FBXO11: variants seen among roughly 807,000 people sequenced by gnomAD.
The protein encoded by FBXO11 is F-box only protein 11.
In FBXO11, 13 loss-of-function variants were observed where a neutral mutation model predicts 117.0. The ratio of observed to expected loss-of-function variants is 0.11; its 90% CI spans 0.07 to 0.18. The LOEUF is 0.18. FBXO11 is among the 10% of genes least tolerant of loss of function. The pLI is 1.00. For synonymous variants in FBXO11, 490 were observed against 380.5 expected, an observed-to-expected ratio of 1.29 and a Z score of -3.35; for missense variants, 767 against 1,164.4, an observed-to-expected ratio of 0.66 and a Z score of 4.97.
intron 11 of FBXO11, among the ~76,000 whole-genome samples, chr2:47,826,761 CT>C (rs948473257): frequency 6.6e-6 from 1 of 152,032 alleles, no homozygotes; most frequent in African/African-American, 2.4e-5. Context: ...TCCAAATCAC[CT>C]CTTCTTTTTA....
chr2:47,902,563 A>T (rs1276398795), intron 1 of FBXO11, among the ~76,000 whole-genome samples: 1 of 152,136 alleles, frequency 6.6e-6, no homozygotes, highest in Non-Finnish European at 1.5e-5. Context: ...ACACAAATAT[A>T]CCCACATACA....
rs141586302 is a variant in FBXO11 at position 47,879,634 on chromosome 2, A to G, written c.232+25855T>C. Among the ~76,000 whole-genome samples, 21 of 152,336 alleles carry G rather than the reference A, an allele frequency of 1.4e-4. 1 individual carries two copies. The highest frequency in any genetic ancestry group is 4.8e-4 in the African/African-American group (20 of 41,580). On this transcript the variant is annotated intron_variant, in intron 1 of 22. Transcript: ENST00000403359. The stretch of plus-strand genomic sequence containing the variant: ...AAGTTTCCAAGTACTTACTGCATGT[A>G]TATCAGGAAGGCTACCCTCTGTCTA...
intron 11 of FBXO11, 48 bp from the exon 12 acceptor site, chr2:47,823,408 A>C: frequency 7.4e-7 from 1 of 1,347,426 alleles, no homozygotes; most frequent in Non-Finnish European, 1.0e-6. Flanking sequence ...ACTTTACAAA[A>C]AAAGAAATGC....
chr2:47,883,545 C>T, intron 1 of FBXO11: 1 of 370,136 alleles, frequency 2.7e-6, no homozygotes, highest in South Asian at 2.3e-5. Context: ...GGCCAAGATC[C>T]AGGATAAGGA....
chr2:47,809,856 A>G (rs1359317301), intron 19 of FBXO11, 149 bp from the exon 20 acceptor site: 2 of 568,432 alleles, frequency 3.5e-6, no homozygotes, highest in Non-Finnish European at 6.2e-6. Context: ...ACCTATTTCA[A>G]CCACCAACAG....
At chr2:47,812,788 C>T (rs552842158) in intron 18 of FBXO11, 1 of 214,464 alleles carries the variant, frequency 4.7e-6, no homozygotes, top group Non-Finnish European at 9.4e-6. Context: ...TTTATGAATA[C>T]CAAACCAGGC....
At chr2:47,814,511 T>TG (rs994583013) in intron 16 of FBXO11, among the ~76,000 whole-genome samples, 22 of 152,054 alleles carry the variant, frequency 1.4e-4, no homozygotes, top group African/African-American at 5.1e-4. Context: ...CCCGAGTAGC[T>TG]GGGACTACAG....
At chr2:47,850,000 CA>C (rs1478660773) in intron 1 of FBXO11, among the ~76,000 whole-genome samples, 3 of 152,082 alleles carry the variant, frequency 2.0e-5, no homozygotes, top group African/African-American at 7.2e-5. Flanking sequence ...CCAAACAATG[CA>C]AAAACAACTG....
chr2:47,846,642 T>A (rs186733898), intron 1 of FBXO11, among the ~76,000 whole-genome samples: 139 of 152,182 alleles, frequency 9.1e-4, no homozygotes, highest in Non-Finnish European at 1.3e-3. Context: ...ACCAGAAATG[T>A]CCACCAGAAA....
In FBXO11 at chr2:47,819,031, G is replaced by A. The variant is rs200648317; in HGVS notation, c.1845C>T (p.Asn615=). 1.2e-6 allele frequency: 2 copies of A among 1,613,832 alleles called. No individual in the cohort carries two copies. Among genetic ancestry groups the A allele is most frequent in the Non-Finnish European group, 8.5e-7 (1 of 1,179,800 alleles). Residue 615 remains asparagine, a synonymous_variant, in exon 15 of 23, where the codon AAC becomes AAT. Coordinates refer to ENST00000403359, the MANE Select transcript of FBXO11 (RefSeq NM_001190274.2). The part of the protein sequence containing the change: ...GVIEENEVYS[N]TLAGVWVTTG... Reference sequence around the variant, plus strand: ...TTGTCACCCAGACTCCAGCTAGAGTGTTACTATAAACTTCATTCTCTTCTA... The same window carrying A: ...TTGTCACCCAGACTCCAGCTAGAGTATTACTATAAACTTCATTCTCTTCTA...
chr2:47,868,275 C>T (rs1449336426), intron 1 of FBXO11, among the ~76,000 whole-genome samples: 4 of 130,224 alleles, frequency 3.1e-5, no homozygotes, highest in Non-Finnish European at 4.9e-5. Context: ...GAGCAAGACT[C>T]TACCTCCAAA....
intron 13 of FBXO11, among the ~76,000 whole-genome samples, chr2:47,820,927 T>A (rs60260359): frequency 2.0e-5 from 3 of 152,210 alleles, no homozygotes; most frequent in Non-Finnish European, 2.9e-5. Context: ...CAGGCACATA[T>A]TGGTGTCTGG....
intron 1 of FBXO11, among the ~76,000 whole-genome samples, chr2:47,890,652 A>G (rs1009367283): frequency 1.3e-5 from 2 of 151,922 alleles, no homozygotes; most frequent in South Asian, 2.1e-4. Context: ...AAAAATACAA[A>G]AAGTCAGCTG....
intron 1 of FBXO11, among the ~76,000 whole-genome samples, chr2:47,842,516 T>C (rs1673092745): frequency 6.6e-6 from 1 of 152,134 alleles, no homozygotes; most frequent in African/African-American, 2.4e-5. Flanking sequence ...TTTGTAAAAG[T>C]GTAATATTTA....
intron 13 of FBXO11, among the ~76,000 whole-genome samples, 172 bp from the exon 14 acceptor site, chr2:47,820,628 G>C (rs1451711477): frequency 6.6e-6 from 1 of 152,220 alleles, no homozygotes; most frequent in South Asian, 2.1e-4. Flanking sequence ...AGGCAGTATA[G>C]TATAGCTATG....
intron 11 of FBXO11, among the ~76,000 whole-genome samples, chr2:47,824,005 A>T (rs1671566974): frequency 6.6e-6 from 1 of 152,294 alleles, no homozygotes; most frequent in South Asian, 2.1e-4. Context: ...CTGGCTAATG[A>T]CTTAAATGTT....
intron 1 of FBXO11, among the ~76,000 whole-genome samples, chr2:47,850,758 G>C (rs1488372648): frequency 6.6e-6 from 1 of 152,104 alleles, no homozygotes; most frequent in Non-Finnish European, 1.5e-5. Flanking sequence ...CTTGAGAATA[G>C]CTTAAATTTT....
At position 47,834,670 on chromosome 2, in the gene FBXO11, C is replaced by T; in HGVS notation, c.843G>A (p.Glu281=). 6.2e-7 allele frequency: 1 copy of T among 1,612,200 alleles called. No individual in the cohort carries two copies. The highest frequency in any genetic ancestry group is 8.5e-7 in the Non-Finnish European group (1 of 1,179,048). The change falls in exon 7 of 23, where the codon GAG becomes GAA. Residue 281 remains glutamate, a synonymous_variant. Coordinates refer to ENST00000403359, the MANE Select transcript of FBXO11 (RefSeq NM_001190274.2). ...CAAAGATAAGTCCATCAAAATGAGC[C>T]TCTTGTACCCCACCAAGGGCATCTT... is the stretch of plus-strand genomic sequence containing the variant. The part of the protein sequence containing the change: ...TIEDALGGVQ[E]AHFDGLIFVH...
At chr2:47,808,793 AAACATTACAC>A (rs1188239219) in intron 21 of FBXO11, 1 of 262,826 alleles carries the variant, frequency 3.8e-6, no homozygotes, top group Non-Finnish European at 7.2e-6. Flanking sequence ...ATTTCTAGGA[AAACATTACAC>A]AACATGAGTT....
Sources: allele counts gnomAD v4.1 joint callset (sites outside exome capture counted in the v4.1 genomes callset), GRCh38; gene constraint gnomAD v4.1.1; transcripts MANE v1.5; gene names NCBI Gene and HGNC (gene_info 2026-07-23, HGNC 2026-07-21).